GIMAP8: variants seen among roughly 807,000 people sequenced by gnomAD.
GIMAP8 encodes GTPase IMAP family member 8.
In GIMAP8, 29 loss-of-function variants were observed where a neutral mutation model predicts 35.6. That is an observed-to-expected ratio of 0.81 (90% CI 0.61 to 1.11). The LOEUF (loss-of-function observed/expected upper bound fraction) is 1.11, where lower values mean the gene tolerates loss of function less well. GIMAP8 is among the 50% of genes most tolerant of loss of function. The pLI is 0.00. For missense variants in GIMAP8, 811 were observed against 805.0 expected (o/e 1.01, Z -0.09); for synonymous variants, 335 against 308.7 (o/e 1.09, Z -0.89).
At chr7:150,461,237 T>G (rs917290352) in intron 1 of GIMAP8, among the ~76,000 whole-genome samples, 30 of 152,392 alleles carry the variant, frequency 2.0e-4, no homozygotes, top group Middle Eastern at 3.4e-3. Flanking sequence ...AAACATCTGT[T>G]AAGTCCACAT....
intron 3 of GIMAP8, 146 bp from the exon 4 acceptor site, chr7:150,473,866 G>A (rs1688922782): frequency 2.6e-6 from 2 of 778,794 alleles, no homozygotes; most frequent in Non-Finnish European, 2.1e-6. Flanking sequence ...TTGATGGAGA[G>A]CTTCTGGCTG....
chr7:150,463,383 T>C (rs1041014970), intron 1 of GIMAP8, among the ~76,000 whole-genome samples: 1 of 152,222 alleles, frequency 6.6e-6, no homozygotes, highest in Non-Finnish European at 1.5e-5. Flanking sequence ...AATTATTGAG[T>C]TCCTTTGGAG....
chr7:150,456,656 C>T (rs920436919), intron 1 of GIMAP8, among the ~76,000 whole-genome samples: 5 of 152,204 alleles, frequency 3.3e-5, no homozygotes, highest in Non-Finnish European at 7.3e-5. Flanking sequence ...AGCATGTGGA[C>T]ACCTTGGGCG....
chr7:150,474,758 T>C, intron 4 of GIMAP8, 120 bp downstream of exon 4: 2 of 620,042 alleles, frequency 3.2e-6, no homozygotes, highest in South Asian at 7.0e-5. Flanking sequence ...AGTTTTAGGG[T>C]ACATGTGCAC....
At chr7:150,474,971 G>A (rs868653700) in intron 4 of GIMAP8, among the ~76,000 whole-genome samples, 2 of 151,646 alleles carry the variant, frequency 1.3e-5, no homozygotes, top group African/African-American at 2.4e-5. Flanking sequence ...GAGAATATGC[G>A]GTGTTTGGTT....
Position 150,467,282 on chromosome 7 carries a change from C to T in GIMAP8, c.584C>T (p.Thr195Met), listed in dbSNP as rs776873502. ...LLRKVESLVN[T>M]NGGPYHVNFK... ...CGCAAGGTTGAGTCTTTGGTGAATA[C>T]GAACGGAGGACCCTATCATGTGAAC... The change falls in exon 2 of 5, where the codon ACG (threonine) becomes ATG (methionine). Residue 195 changes from threonine (T) to methionine (M), a missense_variant. Coordinates refer to ENST00000307271, the MANE Select transcript of GIMAP8 (RefSeq NM_175571.4). The T allele has an allele frequency of 3.7e-6, 6 of 1,613,970 alleles. No individual in the cohort carries two copies. Among genetic ancestry groups the T allele is most frequent in the Admixed American group, 1.7e-5 (1 of 60,006 alleles).
At position 150,451,914 on chromosome 7, in the gene GIMAP8, G is replaced by A. The variant is rs1451647587; in HGVS notation, c.-29+739G>A. 6.6e-6 allele frequency among the ~76,000 whole-genome samples: 1 copy of A among 152,136 alleles called. No individual in the cohort carries two copies. The highest frequency in any genetic ancestry group is 1.5e-5 in the Non-Finnish European group (1 of 68,016). On this transcript the variant is annotated intron_variant, in intron 1 of 4. Transcript: ENST00000307271. This position sits in a 1 kb window ranked among gnomAD's most constrained non-coding sequence, Gnocchi z 4.1. ...CTTGATGGTTGCCCTGCTGGGCTGG[G>A]TCTAAGGTCTTCCCCACGCTGGGCT...
chr7:150,459,730 A>T (rs888504301), intron 1 of GIMAP8, among the ~76,000 whole-genome samples: 1 of 152,200 alleles, frequency 6.6e-6, no homozygotes, highest in Non-Finnish European at 1.5e-5. Flanking sequence ...AGTGAATTCC[A>T]TGAACATGGG....
intron 1 of GIMAP8, among the ~76,000 whole-genome samples, chr7:150,460,714 T>C (rs114195068): frequency 1.3e-5 from 2 of 152,318 alleles, no homozygotes; most frequent in African/African-American, 4.8e-5. Context: ...TGAGTGCAGA[T>C]TGGGAGAGAG....
intron 1 of GIMAP8, among the ~76,000 whole-genome samples, chr7:150,458,334 G>A (rs1161739974): frequency 6.6e-6 from 1 of 152,128 alleles, no homozygotes; most frequent in African/African-American, 2.4e-5. Flanking sequence ...AAGTCCAAAG[G>A]CCATCTGCCA....
At chr7:150,467,483 G>T (rs1801995126) in intron 2 of GIMAP8, 149 bp downstream of exon 2, 1 of 686,976 alleles carries the variant, frequency 1.5e-6, no homozygotes, top group Non-Finnish European at 2.4e-6. Flanking sequence ...GGAATAAGAG[G>T]TATCAGATTT....
intron 1 of GIMAP8, among the ~76,000 whole-genome samples, chr7:150,459,609 C>A (rs1801802526): frequency 6.6e-6 from 1 of 152,152 alleles, no homozygotes; most frequent in Admixed American, 6.5e-5. Flanking sequence ...TTGCCCCAGT[C>A]CTACAAGGTG....
At position 150,477,801 on chromosome 7, in the gene GIMAP8, C is replaced by G; in HGVS notation, c.*21C>G. 1 of 1,586,398 alleles carries G rather than the reference C, an allele frequency of 6.3e-7. No homozygotes were observed. The highest frequency in any genetic ancestry group is 8.6e-7 in the Non-Finnish European group (1 of 1,161,846). On this transcript the variant is annotated 3_prime_UTR_variant, in exon 5 of 5. Transcript: ENST00000307271. Reference sequence around the variant, plus strand: ...AATAGGTAGCCGAAGTGCCTGGGGTCTCTTCAATTAGAGACACCCTCAGGT... The same window carrying G: ...AATAGGTAGCCGAAGTGCCTGGGGTGTCTTCAATTAGAGACACCCTCAGGT...
At chr7:150,470,768 T>TTTTTTTTTTTGA in intron 2 of GIMAP8, 61 bp from the exon 3 acceptor site, 1 of 521,946 alleles carries the variant, frequency 1.9e-6, no homozygotes. Context: ...TTTTTTTTTT[T>TTTTTTTTTTTGA]CAGTTTGTGG....
In GIMAP8 at chr7:150,457,294, T is replaced by C. The variant is rs868717076; in HGVS notation, c.-29+6119T>C. Among the ~76,000 whole-genome samples, 4 of 152,350 alleles carry C rather than the reference T, an allele frequency of 2.6e-5. 1 individual carries two copies. The Middle Eastern group carries it at 0.014, about 518-fold the overall frequency. On this transcript the variant is annotated intron_variant, in intron 1 of 4. Transcript: ENST00000307271. ...TTTTCCGCCCTGGGTGGGCCAGGTG[T>C]TCCTTGCCCTCATTCAGGTAAACCA...
chr7:150,460,420 C>T (rs1024743649), intron 1 of GIMAP8, among the ~76,000 whole-genome samples: 1 of 152,202 alleles, frequency 6.6e-6, no homozygotes, highest in African/African-American at 2.4e-5. Context: ...AGGTCCTTGA[C>T]CATCCAGCCA....
intron 3 of GIMAP8, among the ~76,000 whole-genome samples, chr7:150,471,981 G>C (rs544852695): frequency 2.6e-4 from 40 of 152,310 alleles, no homozygotes; most frequent in African/African-American, 9.6e-4. Context: ...AGAAGATGTT[G>C]TGAGCCTCAT....
chr7:150,465,453 TC>T (rs1801934159), intron 1 of GIMAP8, among the ~76,000 whole-genome samples: 1 of 152,200 alleles, frequency 6.6e-6, no homozygotes, highest in Non-Finnish European at 1.5e-5. Flanking sequence ...GTTTTTTTCC[TC>T]GCAGCGACAG....
chr7:150,465,858 C>G (rs188278022), intron 1 of GIMAP8, among the ~76,000 whole-genome samples: 31 of 152,318 alleles, frequency 2.0e-4, no homozygotes, highest in Non-Finnish European at 3.8e-4. Flanking sequence ...TTGCAAGGTA[C>G]TTTCTCATTT....
Sources: gnomAD v4.1 joint callset for allele counts (sites outside exome capture counted in the v4.1 genomes callset) on GRCh38, gnomAD v4.1.1 for gene constraint, Gnocchi (gnomAD v3.1) non-coding constraint, MANE v1.5 for transcripts, NCBI Gene and HGNC (gene_info 2026-07-23, HGNC 2026-07-21) for gene names.